Variants in SULF2 observed in about 807,000 individuals in gnomAD.
SULF2 encodes sulfatase 2, also known as extracellular sulfatase Sulf-2.
SULF2 carries 52 observed loss-of-function variants against 107.7 expected under a neutral mutation model. The observed-to-expected ratio is 0.48, with a 90% confidence interval of 0.39 to 0.61. The LOEUF is 0.61. Ranked by LOEUF, SULF2 falls within the 20% of genes least tolerant of loss-of-function variation. SULF2 has a pLI of 0.00. For missense variants in SULF2, 993 were observed against 1,177.3 expected (o/e 0.84, Z 2.29); for synonymous variants, 460 against 464.3 (o/e 0.99, Z 0.12).
intron 3 of SULF2, chr20:47,706,982 T>TTTATTA (rs763025383): frequency 1.3e-5 from 2 of 151,882 alleles, no homozygotes; most frequent in Admixed American, 1.3e-4. Context: ...AAAGATGAGT[T>TTTATTA]TTATTATTAT....
At chr20:47,702,762 C>G (rs1411988100) in intron 3 of SULF2, 92 bp from the exon 4 acceptor site, 1 of 1,252,226 alleles carries the variant, frequency 8.0e-7, no homozygotes, top group African/African-American at 1.5e-5. Context: ...GCATGCACAC[C>G]TGCTCTGCCA....
intron 3 of SULF2, among the ~76,000 whole-genome samples, chr20:47,711,138 A>T (rs1050276758): frequency 6.6e-6 from 1 of 151,936 alleles, no homozygotes; most frequent in South Asian, 2.1e-4. Context: ...AACCTCGGCC[A>T]CCTCTCCCTG....
intron 1 of SULF2, among the ~76,000 whole-genome samples, chr20:47,763,137 G>C (rs2090451712): frequency 6.6e-6 from 1 of 151,994 alleles, no homozygotes; most frequent in South Asian, 2.1e-4. Flanking sequence ...CATCCCTGCT[G>C]TGGACAACAC....
intron 3 of SULF2, among the ~76,000 whole-genome samples, chr20:47,725,012 AG>A (rs1295160640): frequency 6.6e-6 from 1 of 152,246 alleles, no homozygotes; most frequent in African/African-American, 2.4e-5. Flanking sequence ...TTTATAATGA[AG>A]ATAAATTTCA....
intron 4 of SULF2, among the ~76,000 whole-genome samples, chr20:47,696,410 A>G (rs79125947): frequency 1.5e-5 from 2 of 135,776 alleles, no homozygotes; most frequent in Non-Finnish European, 3.2e-5. Flanking sequence ...CCACCCCCCC[A>G]CCCCCATAAC....
chr20:47,702,943 T>A (rs2088619184), intron 3 of SULF2, among the ~76,000 whole-genome samples: 1 of 152,134 alleles, frequency 6.6e-6, no homozygotes, highest in South Asian at 2.1e-4. Flanking sequence ...TGAGATGGAG[T>A]CTTGCTCTGT....
At chr20:47,745,447 A>G (rs2090010672) in intron 2 of SULF2, among the ~76,000 whole-genome samples, 1 of 9,380 alleles carries the variant, frequency 1.1e-4, no homozygotes, top group Non-Finnish European at 1.7e-4. Flanking sequence ...ATATATATAT[A>G]TATATATATA....
At chr20:47,683,239 C>T (rs1323416688) in intron 6 of SULF2, 70 bp from the exon 7 acceptor site, 3 of 1,473,668 alleles carry the variant, frequency 2.0e-6, no homozygotes, top group Non-Finnish European at 2.7e-6. Flanking sequence ...CCCGGGGTGA[C>T]AGGCGCTTGA....
intron 9 of SULF2, 150 bp downstream of exon 9, chr20:47,676,928 C>A: frequency 1.2e-6 from 1 of 805,932 alleles, no homozygotes; most frequent in Non-Finnish European, 2.0e-6. Flanking sequence ...TCTATAGGAG[C>A]AGTGAATGGG....
At chr20:47,768,486 G>A (rs1418130147) in intron 1 of SULF2, among the ~76,000 whole-genome samples, 1 of 152,208 alleles carries the variant, frequency 6.6e-6, no homozygotes, top group Non-Finnish European at 1.5e-5. Context: ...TTGGGGGGCG[G>A]GCTGGAGGCA....
chr20:47,746,356 C>T (rs373365471), intron 2 of SULF2, among the ~76,000 whole-genome samples: 4 of 152,282 alleles, frequency 2.6e-5, no homozygotes, highest in South Asian at 4.1e-4. Context: ...GCTATGAGGT[C>T]GAGCCACAGG....
At chr20:47,761,124 G>A (rs2090409126) in intron 1 of SULF2, among the ~76,000 whole-genome samples, 1 of 152,210 alleles carries the variant, frequency 6.6e-6, no homozygotes, top group African/African-American at 2.4e-5. Flanking sequence ...CATTATTAGA[G>A]TGATCCTACC....
chr20:47,663,009 G>A (rs549377235), intron 17 of SULF2, 61 bp downstream of exon 17: 23 of 1,594,590 alleles, frequency 1.4e-5, no homozygotes, highest in Middle Eastern at 1.7e-4. Flanking sequence ...GTTGGGGGGG[G>A]CCTACCTGGC....
chr20:47,780,015 CTTTT>C (rs74178766), intron 1 of SULF2, among the ~76,000 whole-genome samples: 1 of 120,490 alleles, frequency 8.3e-6, no homozygotes, highest in African/African-American at 3.2e-5. Context: ...CCCTAGTTGA[CTTTT>C]TTTTTTTTTT....
At chr20:47,770,592 T>A (rs2090611623) in intron 1 of SULF2, among the ~76,000 whole-genome samples, 1 of 152,162 alleles carries the variant, frequency 6.6e-6, no homozygotes, top group Admixed American at 6.5e-5. Flanking sequence ...ACCGCAAAAC[T>A]TAGTGGTGAA....
In SULF2 at chr20:47,683,035, G is replaced by T. The variant is rs370951496; in HGVS notation, c.1023C>A (p.Val341=). 9.3e-6 allele frequency: 15 copies of T among 1,613,120 alleles called. No homozygotes were observed. The African/African-American group carries it at 1.9e-4, about 20-fold the overall frequency. The change falls in exon 7 of 21, where the codon GTC becomes GTA. Residue 341 remains valine (V), a synonymous_variant. Transcript: ENST00000688720. ...KSMPYEFDIR[V]PFYVRGPNVE... is the part of the protein sequence containing the mutation. ...CGTTGGGGCCCCTCACGTAGAACGG[G>T]ACCCTGATGTCAAACTCATATGGCA... is the stretch of plus-strand genomic sequence containing the variant.
At chr20:47,707,613 G>C (rs890555219) in intron 3 of SULF2, among the ~76,000 whole-genome samples, 9 of 152,138 alleles carry the variant, frequency 5.9e-5, no homozygotes, top group African/African-American at 1.9e-4. Flanking sequence ...TGAAGTACTC[G>C]AGTGAGATAT....
intron 1 of SULF2, among the ~76,000 whole-genome samples, chr20:47,775,395 AGACCT>A (rs2090706649): frequency 6.6e-6 from 1 of 152,218 alleles, no homozygotes; most frequent in Admixed American, 6.5e-5. Flanking sequence ...GGGTTGTTTT[AGACCT>A]GCCAGCTGAT....
At chr20:47,756,761 C>A (rs1030649877) in intron 2 of SULF2, among the ~76,000 whole-genome samples, 8 of 151,990 alleles carry the variant, frequency 5.3e-5, no homozygotes, top group African/African-American at 1.9e-4. Context: ...TTCTTGTGCC[C>A]CAGTCTCCTC....
Sources: allele counts gnomAD v4.1 joint callset (sites outside exome capture counted in the v4.1 genomes callset), GRCh38; gene constraint gnomAD v4.1.1; transcripts MANE v1.5; gene names NCBI Gene and HGNC (gene_info 2026-07-23, HGNC 2026-07-21).